The following STARD8 variants were observed in gnomAD, a reference collection of about 807,000 sequenced individuals.
STARD8 encodes the protein StAR related lipid transfer domain containing 8.
Under a neutral mutation model 69.4 loss-of-function variants are expected in STARD8, and 25 were observed. The ratio of observed to expected loss-of-function variants is 0.36; its 90% CI spans 0.26 to 0.50. The LOEUF (loss-of-function observed/expected upper bound fraction) is 0.50, where lower values mean the gene tolerates loss of function less well. STARD8 is among the 20% of genes least tolerant of loss of function. The pLI, the probability that STARD8 is intolerant of heterozygous loss-of-function variation, is 0.96. For synonymous variants in STARD8, 389 were observed against 374.6 expected (o/e 1.04, Z -0.45); for missense variants, 921 against 932.5 (o/e 0.99, Z 0.16).
At chrX:68,686,089 G>A (rs1488778913) in intron 2 of STARD8, among the ~76,000 whole-genome samples, 1 of 111,847 alleles carries the variant, frequency 8.9e-6, no homozygotes, top group Middle Eastern at 4.6e-3. Context: ...AGAAAGGAGA[G>A]GAATCAGTGG....
chrX:68,661,047 AG>A (rs781325104), intron 1 of STARD8, among the ~76,000 whole-genome samples: 1 of 110,860 alleles, frequency 9.0e-6, no homozygotes, highest in East Asian at 2.9e-4. Flanking sequence ...GCTAGGAGTG[AG>A]GGGTGGGGAT....
chrX:68,698,186 C>T (rs1010297123), intron 2 of STARD8, among the ~76,000 whole-genome samples: 3 of 111,429 alleles, frequency 2.7e-5, no homozygotes, highest in African/African-American at 9.8e-5. Context: ...TTATTCACAC[C>T]ATTTGAAGGA....
intron 2 of STARD8, among the ~76,000 whole-genome samples, chrX:68,709,502 C>T (rs937651394): frequency 8.9e-6 from 1 of 111,918 alleles, no homozygotes; most frequent in Non-Finnish European, 1.9e-5. Flanking sequence ...TTAATGCTCT[C>T]AGTAGCTATA....
intron 2 of STARD8, among the ~76,000 whole-genome samples, chrX:68,685,197 C>G (rs1569359843): frequency 8.9e-6 from 1 of 112,049 alleles, no homozygotes; most frequent in East Asian, 2.8e-4. Flanking sequence ...ACCCCTTTAT[C>G]GTTCACAAAG....
intron 2 of STARD8, among the ~76,000 whole-genome samples, chrX:68,666,513 C>T (rs780728263): frequency 8.9e-6 from 1 of 112,068 alleles, no homozygotes; most frequent in Non-Finnish European, 1.9e-5. Context: ...AAGAACCTTC[C>T]AAAGTAGTTG....
At chrX:68,684,675 T>C (rs1175808690) in intron 2 of STARD8, among the ~76,000 whole-genome samples, 1 of 112,865 alleles carries the variant, frequency 8.9e-6, no homozygotes, top group Non-Finnish European at 1.9e-5. Context: ...AGTGGCTGTT[T>C]GTCCTGCCTG....
intron 2 of STARD8, among the ~76,000 whole-genome samples, chrX:68,677,094 C>T (rs1212113299): frequency 9.0e-6 from 1 of 110,544 alleles, no homozygotes; most frequent in Non-Finnish European, 1.9e-5. Flanking sequence ...TGCAGTGGGC[C>T]GTGATCGTGG....
intron 1 of STARD8, among the ~76,000 whole-genome samples, chrX:68,654,913 C>A (rs947223248): frequency 2.7e-5 from 3 of 112,319 alleles, no homozygotes; most frequent in African/African-American, 9.7e-5. Flanking sequence ...CAATTTCACT[C>A]CCAGCCTCCA....
chrX:68,649,102 G>A (rs1434169832), intron 1 of STARD8, among the ~76,000 whole-genome samples: 1 of 112,283 alleles, frequency 8.9e-6, no homozygotes, highest in Non-Finnish European at 1.9e-5. Flanking sequence ...TGTAAGACAG[G>A]ATGAAAGAAT....
At chrX:68,681,670 A>G (rs905173784) in intron 2 of STARD8, among the ~76,000 whole-genome samples, 5 of 112,531 alleles carry the variant, frequency 4.4e-5, no homozygotes, top group Non-Finnish European at 7.5e-5. Flanking sequence ...GGGGAAACAG[A>G]GAAGCCAATG....
chrX:68,659,799 A>G (rs2079633192), intron 1 of STARD8, among the ~76,000 whole-genome samples: 1 of 111,598 alleles, frequency 9.0e-6, no homozygotes, highest in African/African-American at 3.3e-5. Flanking sequence ...AAAGGCTCAA[A>G]GGCAAAGAGT....
chrX:68,669,986 T>C (rs183819688), intron 2 of STARD8, among the ~76,000 whole-genome samples: 2 of 112,673 alleles, frequency 1.8e-5, no homozygotes, highest in Non-Finnish European at 3.7e-5. Context: ...ATTTAACATT[T>C]GTTATTTTAC....
intron 1 of STARD8, among the ~76,000 whole-genome samples, chrX:68,661,806 C>T (rs1284572078): frequency 9.1e-6 from 1 of 110,387 alleles, no homozygotes; most frequent in Admixed American, 9.7e-5. Flanking sequence ...TCTTCCTACC[C>T]TAAGGACCAC....
chrX:68,698,860 C>A (rs757662504), intron 2 of STARD8, among the ~76,000 whole-genome samples: 13 of 111,367 alleles, frequency 1.2e-4, no homozygotes, highest in Non-Finnish European at 1.7e-4. Context: ...GCCTTCCTTT[C>A]AGCTATGCAA....
intron 1 of STARD8, among the ~76,000 whole-genome samples, chrX:68,652,782 C>T (rs1602533249): frequency 1.4e-5 from 1 of 71,123 alleles, no homozygotes; most frequent in African/African-American, 5.3e-5. Context: ...ACCCCACACA[C>T]CACACACACA....
rs2080174612 is a variant in STARD8, at chrX:68,723,850, G to A, written c.3017+7G>A. The A allele has an allele frequency of 4.2e-6, 5 of 1,201,072 alleles. No individual in the cohort carries two copies. Among genetic ancestry groups the A allele is most frequent in the Non-Finnish European group, 5.6e-6 (5 of 890,310 alleles). Reference sequence around the variant, plus strand: ...GCGACTTTGTGGTGCTTCGGTGAGGGGCTGCAGCTGCTACCCTTCTGTGCT... The same window carrying A: ...GCGACTTTGTGGTGCTTCGGTGAGGAGCTGCAGCTGCTACCCTTCTGTGCT... On this transcript the variant is annotated splice_region_variant and intron_variant, in intron 13 of 14. Coordinates refer to ENST00000374599, the MANE Select transcript of STARD8 (RefSeq NM_001142503.3).
rs753563493 is a variant in STARD8 at position 68,722,507 on chromosome X, G to C, written c.2660G>C (p.Arg887Pro). 2 of 1,211,495 alleles carry C rather than the reference G, an allele frequency of 1.7e-6. No homozygotes were observed. Among genetic ancestry groups the C allele is most frequent in the Non-Finnish European group, 2.2e-6 (2 of 895,490 alleles). The stretch of plus-strand genomic sequence containing the variant: ...CCCGGCCCAGCCCTGGCTGAGCTGC[G>C]TCAGGCCCAAGCTGCAGGGGTAAGC... ...SPPGPALAEL[R>P]QAQAAGVSLS... The change falls in exon 12 of 15, where the codon CGT (arginine) becomes CCT (proline). Residue 887 changes from arginine to proline, a missense_variant. Arg to Pro is a moderately radical substitution (Grantham distance 103). Coordinates refer to ENST00000374599, the MANE Select transcript of STARD8 (RefSeq NM_001142503.3).
intron 2 of STARD8, among the ~76,000 whole-genome samples, chrX:68,675,981 A>T (rs965412195): frequency 8.9e-6 from 1 of 112,169 alleles, no homozygotes; most frequent in Non-Finnish European, 1.9e-5. Flanking sequence ...CCCTATCATT[A>T]AAATGAAAGG....
intron 1 of STARD8, among the ~76,000 whole-genome samples, chrX:68,652,812 A>C (rs2079558838): frequency 4.5e-5 from 2 of 44,075 alleles, no homozygotes; most frequent in African/African-American, 9.3e-5. Context: ...CACCACACAC[A>C]CACCCCACAC....
Sources: gnomAD v4.1 joint callset for allele counts (sites outside exome capture counted in the v4.1 genomes callset) on GRCh38, gnomAD v4.1.1 for gene constraint, MANE v1.5 for transcripts, NCBI Gene and HGNC (gene_info 2026-07-23, HGNC 2026-07-21) for gene names.